The following SLC8A3 variants were observed in gnomAD, a reference collection of about 807,000 sequenced individuals.
SLC8A3 encodes solute carrier family 8 member A3.
A neutral mutation model predicts 65.4 loss-of-function variants in SLC8A3; 37 were observed. That is an observed-to-expected ratio of 0.57 (90% CI 0.44 to 0.74). SLC8A3 has a LOEUF of 0.74. Ranked by LOEUF, SLC8A3 falls within the 30% of genes least tolerant of loss-of-function variation. The probability of loss-of-function intolerance (pLI) is 0.00; values close to 1 mark genes in which losing one functional copy is unlikely to be tolerated. For missense variants in SLC8A3, 1,112 were observed against 1,172.1 expected (o/e 0.95, Z 0.75); for synonymous variants, 461 against 444.5 (o/e 1.04, Z -0.47).
intron 2 of SLC8A3, among the ~76,000 whole-genome samples, chr14:70,123,073 C>CAAA (rs35933485): frequency 7.8e-5 from 7 of 89,464 alleles, no homozygotes; most frequent in African/African-American, 9.2e-5. Flanking sequence ...ACTCCATCTC[C>CAAA]AAAAAAAAAA....
At position 70,069,095 on chromosome 14, in the gene SLC8A3, A is replaced by T. The variant is rs537182076; in HGVS notation, c.1785-8156T>A. 3.3e-5 allele frequency among the ~76,000 whole-genome samples: 5 copies of T among 152,356 alleles called. No individual in the cohort carries two copies. In the East Asian group the frequency reaches 9.6e-4, roughly 29 times the overall value. On this transcript the variant is annotated intron_variant, in intron 2 of 6. Transcript: ENST00000356921. ...AAGTAACTTGCTCAGTCGCACAGCT[A>T]TTAAGCAGCTGAGCTAGGATTTTAG...
At chr14:70,080,908 AG>A (rs1410184098) in intron 2 of SLC8A3, among the ~76,000 whole-genome samples, 1 of 152,174 alleles carries the variant, frequency 6.6e-6, no homozygotes, top group Non-Finnish European at 1.5e-5. Flanking sequence ...TCTTTACATG[AG>A]GAAATGACAT....
At chr14:70,056,621 G>C (rs1246555202) in intron 3 of SLC8A3, among the ~76,000 whole-genome samples, 6 of 152,170 alleles carry the variant, frequency 3.9e-5, no homozygotes, top group Non-Finnish European at 5.9e-5. Context: ...GCTGTTTGCT[G>C]TCTATTTTGG....
intron 2 of SLC8A3, among the ~76,000 whole-genome samples, chr14:70,133,940 A>G (rs893411024): frequency 6.6e-6 from 1 of 152,102 alleles, no homozygotes; most frequent in Non-Finnish European, 1.5e-5. Context: ...CCTATTCCCC[A>G]TCCCCAGGGG....
chr14:70,063,967 G>C (rs758520967), intron 2 of SLC8A3: 5 of 1,169,784 alleles, frequency 4.3e-6, no homozygotes, highest in Admixed American at 3.4e-5. Context: ...GCAAGGAGTA[G>C]AGTGTAGGAC....
At chr14:70,180,337 C>G (rs1056905093) in intron 1 of SLC8A3, among the ~76,000 whole-genome samples, 2 of 152,082 alleles carry the variant, frequency 1.3e-5, no homozygotes, top group South Asian at 2.1e-4. Context: ...TAAAACCTGG[C>G]GAGCAGTCAA....
chr14:70,061,815 C>T (rs1244258872), intron 2 of SLC8A3, among the ~76,000 whole-genome samples: 3 of 152,114 alleles, frequency 2.0e-5, no homozygotes, highest in South Asian at 2.1e-4. Flanking sequence ...CTGGTTTCCT[C>T]AATGTGAATT....
chr14:70,048,350 C>G (rs10136807), intron 6 of SLC8A3: 33,161 of 449,238 alleles, frequency 0.074, 1,454 homozygotes, highest in Non-Finnish European at 0.088. Context: ...AGAACAATAT[C>G]TACATTCTTT....
At chr14:70,080,039 T>G in intron 2 of SLC8A3, 90 of 954,106 alleles carry the variant, frequency 9.4e-5, no homozygotes, top group South Asian at 1.5e-4. Context: ...GCGGGTGACA[T>G]GAGAAAGCAC....
intron 2 of SLC8A3, among the ~76,000 whole-genome samples, chr14:70,094,188 A>C (rs1340084921): frequency 6.6e-6 from 1 of 152,220 alleles, no homozygotes; most frequent in Non-Finnish European, 1.5e-5. Context: ...AATGGGAGGC[A>C]GTGGTAGAAA....
chr14:70,119,113 G>A (rs943808396), intron 2 of SLC8A3, among the ~76,000 whole-genome samples: 2 of 152,060 alleles, frequency 1.3e-5, no homozygotes, highest in Admixed American at 6.5e-5. Flanking sequence ...TTTTGAGGGG[G>A]ATTGGGGGAA....
chr14:70,128,319 G>A (rs1412277590), intron 2 of SLC8A3, among the ~76,000 whole-genome samples: 1 of 152,128 alleles, frequency 6.6e-6, no homozygotes, highest in Non-Finnish European at 1.5e-5. Context: ...GTCACCCTAT[G>A]GCTTAGAAAC....
At chr14:70,077,664 C>CT (rs1347337060) in intron 2 of SLC8A3, among the ~76,000 whole-genome samples, 1 of 152,178 alleles carries the variant, frequency 6.6e-6, no homozygotes, top group African/African-American at 2.4e-5. Context: ...ATTCTGGATG[C>CT]TTTTATTGAC....
chr14:70,151,600 G>A (rs935370078), intron 2 of SLC8A3, among the ~76,000 whole-genome samples: 1 of 152,200 alleles, frequency 6.6e-6, no homozygotes, highest in Non-Finnish European at 1.5e-5. Flanking sequence ...TGGAATGCTG[G>A]AGTAGGCATT....
At chr14:70,132,295 T>C (rs1319438322) in intron 2 of SLC8A3, among the ~76,000 whole-genome samples, 3 of 152,242 alleles carry the variant, frequency 2.0e-5, no homozygotes, top group African/African-American at 7.2e-5. Context: ...GCCTTCACTG[T>C]AATATTTGGG....
chr14:70,060,554 A>C, intron 3 of SLC8A3: 2 of 537,228 alleles, frequency 3.7e-6, no homozygotes, highest in Non-Finnish European at 7.0e-6. Flanking sequence ...TCATTAGGGT[A>C]ATGAGGAGTT....
At chr14:70,050,253 TAGCAGCAGC>T (rs369376146) in intron 5 of SLC8A3, among the ~76,000 whole-genome samples, 2 of 151,810 alleles carry the variant, frequency 1.3e-5, no homozygotes, top group African/African-American at 2.4e-5. Flanking sequence ...AAAAGTGGGG[TAGCAGCAGC>T]AGCAGCAGCA....
At chr14:70,076,277 A>G (rs1890511344) in intron 2 of SLC8A3, among the ~76,000 whole-genome samples, 1 of 151,586 alleles carries the variant, frequency 6.6e-6, no homozygotes. Context: ...CCCTCCAGCT[A>G]CTCTCCATCA....
intron 5 of SLC8A3, among the ~76,000 whole-genome samples, chr14:70,049,980 C>T (rs760327280): frequency 7.2e-5 from 11 of 152,194 alleles, no homozygotes; most frequent in Non-Finnish European, 1.2e-4. Context: ...GCCTTGCCAA[C>T]GGCAACTTCT....
Sources: gnomAD v4.1 joint callset for allele counts (sites outside exome capture counted in the v4.1 genomes callset) on GRCh38, gnomAD v4.1.1 for gene constraint, MANE v1.5 for transcripts, NCBI Gene and HGNC (gene_info 2026-07-23, HGNC 2026-07-21) for gene names.